EXT1: variants seen among roughly 807,000 people sequenced by gnomAD.
EXT1 encodes the protein exostosin glycosyltransferase 1, also known as exostosin-1.
A neutral mutation model predicts 82.5 loss-of-function variants in EXT1; 20 were observed. The ratio of observed to expected loss-of-function variants is 0.24; its 90% CI spans 0.17 to 0.35. The LOEUF is 0.35. Among genes scored for constraint, EXT1 ranks in the 10% least tolerant of loss-of-function variants. The pLI, the probability that EXT1 is intolerant of heterozygous loss-of-function variation, is 1.00. For synonymous variants in EXT1, 348 were observed against 350.8 expected, an observed-to-expected ratio of 0.99 and a Z score of 0.09; for missense variants, 757 against 936.5, an observed-to-expected ratio of 0.81 and a Z score of 2.50.
intron 1 of EXT1, among the ~76,000 whole-genome samples, chr8:117,844,074 T>C (rs894680106): frequency 6.6e-6 from 1 of 152,032 alleles, no homozygotes; most frequent in African/African-American, 2.4e-5. Flanking sequence ...ATCTATTTAC[T>C]AACCATGTTG....
chr8:117,856,913 G>C (rs184320195), intron 1 of EXT1, among the ~76,000 whole-genome samples: 4 of 152,260 alleles, frequency 2.6e-5, no homozygotes, highest in Admixed American at 1.3e-4. Context: ...TGCAGCTGGT[G>C]ACTTGAAGTT....
chr8:117,853,883 A>T (rs1172254057), intron 1 of EXT1, among the ~76,000 whole-genome samples: 1 of 152,270 alleles, frequency 6.6e-6, no homozygotes, highest in East Asian at 1.9e-4. Flanking sequence ...TCTACGAAGA[A>T]GGAAAACCAT....
chr8:117,818,640 A>C, intron 6 of EXT1, 110 bp from the exon 7 acceptor site: 22 of 907,408 alleles, frequency 2.4e-5, no homozygotes, highest in Non-Finnish European at 3.9e-5. Flanking sequence ...TGGAAATCTC[A>C]GCAAGACAAA....
In EXT1 at chr8:118,110,709, C is replaced by A. The variant is rs2130044150; in HGVS notation, c.338G>T (p.Gly113Val). The A allele has an allele frequency of 6.2e-7, 1 of 1,614,168 alleles. No individual in the cohort carries two copies. Among genetic ancestry groups the A allele is most frequent in the Non-Finnish European group, 8.5e-7 (1 of 1,180,034 alleles). Reference sequence around the variant, plus strand: ...CTGTGGGTATACGTAGACTTTGAAGCCGTTTTTCTTGCAAAGGGTGAAATC... The same window carrying A: ...CTGTGGGTATACGTAGACTTTGAAGACGTTTTTCTTGCAAAGGGTGAAATC... Reference protein sequence around the residue: ...CFDFTLCKKNGFKVYVYPQQK... With the variant: ...CFDFTLCKKNVFKVYVYPQQK... Residue 113 changes from glycine (G) to valine (V), a missense_variant, in exon 1 of 11, where the codon GGC becomes GTC. Transcript: ENST00000378204.
At chr8:117,828,306 T>C (rs961201096) in intron 4 of EXT1, among the ~76,000 whole-genome samples, 1 of 152,094 alleles carries the variant, frequency 6.6e-6, no homozygotes, top group Non-Finnish European at 1.5e-5. Flanking sequence ...ATCCCACCAA[T>C]TTGGGTAGTC....
At chr8:117,962,396 A>C (rs1814718458) in intron 1 of EXT1, among the ~76,000 whole-genome samples, 1 of 151,882 alleles carries the variant, frequency 6.6e-6, no homozygotes, top group African/African-American at 2.4e-5. Flanking sequence ...TAGCATTTTG[A>C]GGCCAGGGGT....
At chr8:118,097,708 C>A (rs1457250039) in intron 1 of EXT1, among the ~76,000 whole-genome samples, 1 of 152,202 alleles carries the variant, frequency 6.6e-6, no homozygotes, top group African/African-American at 2.4e-5. Context: ...CAGGTACGTG[C>A]ACCTTCTTAT....
intron 7 of EXT1, among the ~76,000 whole-genome samples, chr8:117,815,138 T>C (rs968315144): frequency 5.3e-5 from 8 of 152,230 alleles, no homozygotes; most frequent in African/African-American, 1.2e-4. Flanking sequence ...ATCCTCCTGA[T>C]ACTGTTTACA....
intron 1 of EXT1, among the ~76,000 whole-genome samples, chr8:118,040,923 A>G (rs1816516829): frequency 6.6e-6 from 1 of 152,214 alleles, no homozygotes; most frequent in Non-Finnish European, 1.5e-5. Context: ...TCATGCCTGA[A>G]CCACAAGCTC....
chr8:118,069,890 A>G (rs1457256602), intron 1 of EXT1, among the ~76,000 whole-genome samples: 3 of 152,210 alleles, frequency 2.0e-5, no homozygotes, highest in Non-Finnish European at 2.9e-5. Context: ...TCCAGGCCAT[A>G]AGAATTTCAG....
At chr8:118,032,472 T>C (rs1191872771) in intron 1 of EXT1, among the ~76,000 whole-genome samples, 1 of 151,574 alleles carries the variant, frequency 6.6e-6, no homozygotes, top group Non-Finnish European at 1.5e-5. Flanking sequence ...TAAAATACCA[T>C]CAAAGCTTCA....
intron 9 of EXT1, among the ~76,000 whole-genome samples, chr8:117,806,212 G>C (rs917973805): frequency 1.3e-5 from 2 of 152,028 alleles, no homozygotes; most frequent in Non-Finnish European, 2.9e-5. Flanking sequence ...TTCAACTCTG[G>C]GTCTGTTATA....
At chr8:118,051,933 G>T (rs187684877) in intron 1 of EXT1, among the ~76,000 whole-genome samples, 1 of 152,270 alleles carries the variant, frequency 6.6e-6, no homozygotes, top group African/African-American at 2.4e-5. Flanking sequence ...TTTGAAAGGG[G>T]GTTACCATAC....
intron 1 of EXT1, among the ~76,000 whole-genome samples, chr8:118,057,864 G>A (rs139069104): frequency 0.013 from 1,911 of 151,286 alleles, 33 homozygotes; most frequent in African/African-American, 0.039. Context: ...TCCCAGCTAC[G>A]TGGGAGGCTG....
At chr8:118,072,491 G>T (rs919335264) in intron 1 of EXT1, among the ~76,000 whole-genome samples, 1 of 152,176 alleles carries the variant, frequency 6.6e-6, no homozygotes, top group African/African-American at 2.4e-5. Context: ...TACCCTAAGG[G>T]GGGAGACCCT....
chr8:118,050,632 T>C (rs1438638886), intron 1 of EXT1, among the ~76,000 whole-genome samples: 4 of 152,256 alleles, frequency 2.6e-5, no homozygotes, highest in African/African-American at 4.8e-5. Context: ...AGTAAATGAA[T>C]TGAGTGTGGC....
intron 1 of EXT1, among the ~76,000 whole-genome samples, chr8:117,974,704 T>A (rs1815030022): frequency 6.6e-6 from 1 of 152,170 alleles, no homozygotes; most frequent in African/African-American, 2.4e-5. Context: ...TGGCCTCAAG[T>A]GATTCACCTG....
chr8:118,070,981 T>C (rs904129898), intron 1 of EXT1, among the ~76,000 whole-genome samples: 1 of 152,350 alleles, frequency 6.6e-6, no homozygotes, highest in South Asian at 2.1e-4. Context: ...TCTGACCCTT[T>C]CAGAATAAAT....
chr8:118,016,776 G>A (rs1278138263), intron 1 of EXT1, among the ~76,000 whole-genome samples: 1 of 152,192 alleles, frequency 6.6e-6, no homozygotes, highest in Admixed American at 6.5e-5. Flanking sequence ...ACTGTGAATG[G>A]AAACGTGTTC....
Sources: allele counts gnomAD v4.1 joint callset (sites outside exome capture counted in the v4.1 genomes callset), GRCh38; gene constraint gnomAD v4.1.1; transcripts MANE v1.5; gene names NCBI Gene and HGNC (gene_info 2026-07-23, HGNC 2026-07-21).